GRID2: variants seen among roughly 807,000 people sequenced by gnomAD.
GRID2 encodes glutamate receptor ionotropic, delta-2.
A neutral mutation model predicts 114.8 loss-of-function variants in GRID2; 33 were observed. The ratio of observed to expected loss-of-function variants is 0.29; its 90% CI spans 0.22 to 0.38. GRID2 has a LOEUF of 0.38. Ranked by LOEUF, GRID2 falls within the 10% of genes least tolerant of loss-of-function variation. The pLI is 1.00. For missense variants in GRID2, 1,184 were observed against 1,257.7 expected (o/e 0.94, Z 0.89); for synonymous variants, 505 against 449.9 (o/e 1.12, Z -1.55).
intron 2 of GRID2, among the ~76,000 whole-genome samples, chr4:92,943,823 T>C (rs2149541481): frequency 6.6e-6 from 1 of 152,340 alleles, no homozygotes; most frequent in Middle Eastern, 3.4e-3. Context: ...TGCAGGTCTG[T>C]TGGAGTTTGC....
At chr4:93,585,499 G>C (rs1481432191) in intron 13 of GRID2, among the ~76,000 whole-genome samples, 1 of 152,078 alleles carries the variant, frequency 6.6e-6, no homozygotes, top group Non-Finnish European at 1.5e-5. Flanking sequence ...GTCTGCTGCT[G>C]AGGGCTTCAT....
intron 2 of GRID2, among the ~76,000 whole-genome samples, chr4:93,023,924 A>G (rs76955293): frequency 0.089 from 13,546 of 151,922 alleles, 753 homozygotes; most frequent in Middle Eastern, 0.19. Flanking sequence ...CTGAAGTAGG[A>G]TAAAATGTTT....
intron 2 of GRID2, among the ~76,000 whole-genome samples, chr4:92,605,302 C>A (rs1383875334): frequency 6.6e-6 from 1 of 151,940 alleles, no homozygotes; most frequent in Non-Finnish European, 1.5e-5. Context: ...TCAATTTATT[C>A]TTTCAAAAAT....
At chr4:93,637,367 T>C (rs2149707211) in intron 14 of GRID2, among the ~76,000 whole-genome samples, 1 of 152,242 alleles carries the variant, frequency 6.6e-6, no homozygotes, top group Admixed American at 6.5e-5. Flanking sequence ...TTTGAAATTT[T>C]CCAAAATCCT....
At chr4:93,686,084 A>G (rs1726050942) in intron 14 of GRID2, among the ~76,000 whole-genome samples, 1 of 151,914 alleles carries the variant, frequency 6.6e-6, no homozygotes, top group African/African-American at 2.4e-5. Flanking sequence ...CCTATTTCTA[A>G]TAGAAACTAT....
intron 1 of GRID2, among the ~76,000 whole-genome samples, chr4:92,431,783 C>T (rs574741910): frequency 1.3e-4 from 20 of 152,216 alleles, no homozygotes; most frequent in Admixed American, 2.6e-4. Context: ...TCTTGATGCT[C>T]GTGGATGTTC....
intron 2 of GRID2, among the ~76,000 whole-genome samples, chr4:92,723,115 C>T (rs1158164948): frequency 2.0e-5 from 3 of 151,870 alleles, no homozygotes; most frequent in African/African-American, 7.3e-5. Context: ...GATTGACCCC[C>T]AAATATCTTC....
rs762975898 is a variant in GRID2, at chr4:93,224,604, G to A, written c.964-10G>A. On this transcript the variant is annotated splice_polypyrimidine_tract_variant and intron_variant, in intron 6 of 15. Coordinates refer to ENST00000282020, the MANE Select transcript of GRID2 (RefSeq NM_001510.4). ...ATGATTCTAATGATCACTTTCTAAT[G>A]TCTTTTCAGATTTCCAACCTTTACA... The A allele has an allele frequency of 4.0e-5, 64 of 1,582,026 alleles. No individual in the cohort carries two copies. The highest frequency in any genetic ancestry group is 5.5e-5 in the Non-Finnish European group (63 of 1,152,702).
chr4:92,651,287 A>G (rs1731918508), intron 2 of GRID2, among the ~76,000 whole-genome samples: 1 of 152,052 alleles, frequency 6.6e-6, no homozygotes, highest in Non-Finnish European at 1.5e-5. Context: ...ATGGTGCCAC[A>G]TCAGGGACTC....
intron 14 of GRID2, among the ~76,000 whole-genome samples, chr4:93,719,480 C>T (rs1281842304): frequency 6.6e-6 from 1 of 151,516 alleles, no homozygotes; most frequent in African/African-American, 2.4e-5. Context: ...TTTTTTCTTG[C>T]CCACATCATA....
chr4:93,207,509 T>G (rs2149470141), intron 5 of GRID2, 52 bp downstream of exon 5: 1 of 1,132,832 alleles, frequency 8.8e-7, no homozygotes, highest in Non-Finnish European at 1.3e-6. Flanking sequence ...TTCACATATA[T>G]AATTGTAGCA....
At chr4:92,337,758 A>G (rs1727263660) in intron 1 of GRID2, among the ~76,000 whole-genome samples, 2 of 152,158 alleles carry the variant, frequency 1.3e-5, no homozygotes, top group African/African-American at 4.8e-5. Context: ...TAAATTGCCC[A>G]AGGAGATTTG....
chr4:93,513,773 A>C (rs529726211), intron 12 of GRID2, among the ~76,000 whole-genome samples: 1 of 152,338 alleles, frequency 6.6e-6, no homozygotes, highest in East Asian at 1.9e-4. Flanking sequence ...AGTTACTATT[A>C]GAAATTGGCA....
At chr4:92,929,317 A>AT (rs1474265508) in intron 2 of GRID2, among the ~76,000 whole-genome samples, 1 of 151,316 alleles carries the variant, frequency 6.6e-6, no homozygotes, top group East Asian at 1.9e-4. Flanking sequence ...GATTTCCTTG[A>AT]TTTTTTAATA....
chr4:92,914,417 A>G (rs889463550), intron 2 of GRID2, among the ~76,000 whole-genome samples: 2 of 152,024 alleles, frequency 1.3e-5, no homozygotes, highest in African/African-American at 4.8e-5. Flanking sequence ...TGGAAATATA[A>G]TTTTTTTACT....
chr4:93,796,547 G>T (rs1316318022), intron 1 of GRID2, among the ~76,000 whole-genome samples: 1 of 151,956 alleles, frequency 6.6e-6, no homozygotes, highest in Non-Finnish European at 1.5e-5. Flanking sequence ...TTGTTTGTTT[G>T]TTTGTTTGTT....
At chr4:93,443,431 G>C (rs1410969187) in intron 10 of GRID2, among the ~76,000 whole-genome samples, 2 of 151,878 alleles carry the variant, frequency 1.3e-5, no homozygotes, top group Non-Finnish European at 1.5e-5. Flanking sequence ...AAAAAATAGA[G>C]CAATGAATAA....
At chr4:93,565,701 A>G (rs1735345784) in intron 13 of GRID2, among the ~76,000 whole-genome samples, 1 of 152,176 alleles carries the variant, frequency 6.6e-6, no homozygotes, top group South Asian at 2.1e-4. Context: ...GCAAATAGTT[A>G]TTCCTTCTTT....
At chr4:93,139,096 A>G (rs1158876715) in intron 4 of GRID2, among the ~76,000 whole-genome samples, 1 of 152,232 alleles carries the variant, frequency 6.6e-6, no homozygotes, top group Non-Finnish European at 1.5e-5. Flanking sequence ...ACAGTATCTC[A>G]AGAAGAGTAT....
Sources: allele counts gnomAD v4.1 joint callset (sites outside exome capture counted in the v4.1 genomes callset), GRCh38; gene constraint gnomAD v4.1.1; transcripts MANE v1.5; gene names NCBI Gene and HGNC (gene_info 2026-07-23, HGNC 2026-07-21).